ANXA3: variants seen among roughly 807,000 people sequenced by gnomAD.
ANXA3 encodes the protein 35-alpha calcimedin.
Under a neutral mutation model 48.8 loss-of-function variants are expected in ANXA3, and 46 were observed. The observed-to-expected ratio is 0.94, with a 90% CI of 0.74 to 1.21. The LOEUF is 1.21. Among genes scored for constraint, ANXA3 ranks in the 50% most tolerant of loss-of-function variants. ANXA3 has a pLI of 0.00. For missense variants in ANXA3, 383 were observed against 378.6 expected, an observed-to-expected ratio of 1.01 and a Z score of -0.10; for synonymous variants, 128 against 134.7, an observed-to-expected ratio of 0.95 and a Z score of 0.35.
chr4:78,604,195 A>G, intron 11 of ANXA3, 82 bp from the exon 12 acceptor site: 1 of 1,312,340 alleles, frequency 7.6e-7, no homozygotes, highest in Non-Finnish European at 1.0e-6. Flanking sequence ...GCACACCATT[A>G]TCTGATTCTT....
intron 3 of ANXA3, among the ~76,000 whole-genome samples, chr4:78,575,761 G>A (rs901597718): frequency 5.9e-5 from 9 of 152,008 alleles, no homozygotes; most frequent in African/African-American, 1.9e-4. Context: ...CAATATTTTT[G>A]TCCAGGATTT....
At chr4:78,607,249 A>T (rs1285604768) in intron 12 of ANXA3, among the ~76,000 whole-genome samples, 1 of 152,248 alleles carries the variant, frequency 6.6e-6, no homozygotes, top group Non-Finnish European at 1.5e-5. Context: ...ACCACCTAAC[A>T]CATATTATTA....
intron 12 of ANXA3, among the ~76,000 whole-genome samples, chr4:78,606,644 A>C (rs1425948612): frequency 2.0e-5 from 3 of 152,162 alleles, no homozygotes; most frequent in Non-Finnish European, 4.4e-5. Context: ...TATCTTGGGA[A>C]GGTTTCTGCC....
chr4:78,573,713 A>G (rs975720973), intron 3 of ANXA3, among the ~76,000 whole-genome samples: 1 of 152,194 alleles, frequency 6.6e-6, no homozygotes, highest in African/African-American at 2.4e-5. Flanking sequence ...GGTTTCTTTA[A>G]CCAAGGGGTG....
At chr4:78,579,435 G>T (rs969282966) in intron 4 of ANXA3, among the ~76,000 whole-genome samples, 1 of 152,190 alleles carries the variant, frequency 6.6e-6, no homozygotes, top group African/African-American at 2.4e-5. Flanking sequence ...ACATTCTGAT[G>T]ATCACAAACA....
chr4:78,563,876 C>A (rs1161947173), intron 2 of ANXA3, among the ~76,000 whole-genome samples: 1 of 152,070 alleles, frequency 6.6e-6, no homozygotes, highest in Non-Finnish European at 1.5e-5. Flanking sequence ...GGACGTCTCC[C>A]GCAGAAGTTA....
chr4:78,578,852 AAAAT>A lies in ANXA3; in HGVS notation c.104-139_104-136del, dbSNP rs3840270. 2.2e-3 allele frequency among the ~76,000 whole-genome samples: 322 copies of A among 148,790 alleles called. 1 individual carries two copies. Among genetic ancestry groups the A allele is most frequent in the African/African-American group, 5.2e-3 (207 of 40,046 alleles). On this transcript the variant is annotated intron_variant, in intron 3 of 12. Transcript: ENST00000264908. ...TTTTTTTTCCAAAACTCAGGCAAACAAAATAAATAAATAAATAAATAAATAAATA... is the reference window on the plus strand; with the variant it reads ...TTTTTTTTCCAAAACTCAGGCAAACAAAATAAATAAATAAATAAATAAATA...
At chr4:78,554,953 C>T (rs1722480266) in intron 2 of ANXA3, among the ~76,000 whole-genome samples, 5 of 152,190 alleles carry the variant, frequency 3.3e-5, no homozygotes, top group Non-Finnish European at 7.3e-5. Flanking sequence ...CACCTGTAAT[C>T]CTAGCACTTT....
rs1350305960 is a variant in ANXA3 at position 78,572,167 on chromosome 4, A to G, written c.16-1013A>G. ...GCTCTCCTGCAAATGCTACTTTAAA[A>G]CAAATTTTCTTCAGTGTCACCAAGA... On this transcript the variant is annotated intron_variant, in intron 2 of 12. Coordinates refer to ENST00000264908, the MANE Select transcript of ANXA3 (RefSeq NM_005139.3). 2.0e-5 allele frequency among the ~76,000 whole-genome samples: 3 copies of G among 152,370 alleles called. No homozygotes were observed. In the South Asian group the frequency reaches 6.2e-4, roughly 32 times the overall value.
chr4:78,585,911 A>G (rs969569963), intron 5 of ANXA3, among the ~76,000 whole-genome samples: 4 of 152,242 alleles, frequency 2.6e-5, no homozygotes, highest in South Asian at 4.1e-4. Flanking sequence ...CAAAAGTATT[A>G]TAGAGCCTTT....
chr4:78,590,499 G>A (rs750786896), intron 6 of ANXA3, among the ~76,000 whole-genome samples: 4 of 152,056 alleles, frequency 2.6e-5, no homozygotes, highest in Non-Finnish European at 4.4e-5. Flanking sequence ...CTAATTTATA[G>A]AATTCTTGAG....
chr4:78,578,924 T>C (rs538042378), intron 3 of ANXA3, 103 bp from the exon 4 acceptor site: 7 of 437,152 alleles, frequency 1.6e-5, no homozygotes, highest in African/African-American at 1.0e-4. Context: ...GAAATTAAAA[T>C]GCCTTACTCT....
chr4:78,564,808 T>C (rs1722696332), intron 2 of ANXA3, among the ~76,000 whole-genome samples: 1 of 152,076 alleles, frequency 6.6e-6, no homozygotes, highest in South Asian at 2.1e-4. Flanking sequence ...AAAGAGTTCA[T>C]TGTATACCAG....
chr4:78,584,096 G>A (rs1336769438), intron 5 of ANXA3, among the ~76,000 whole-genome samples: 1 of 152,106 alleles, frequency 6.6e-6, no homozygotes, highest in Non-Finnish European at 1.5e-5. Context: ...CTTCCATCTG[G>A]AATGCTTTTC....
rs141706778 is a variant in ANXA3, at chr4:78,585,380, A to G, written c.313-880A>G. 9.2e-5 allele frequency among the ~76,000 whole-genome samples: 14 copies of G among 152,326 alleles called. No homozygotes were observed. The East Asian group carries it at 2.7e-3, about 29-fold the overall frequency. ...CCTGGCTAAAGAAGGCTCATGACTC[A>G]GCCATTATGTCTTCATTCCAGGCAA... On this transcript the variant is annotated intron_variant, in intron 5 of 12. Transcript: ENST00000264908.
In ANXA3 at chr4:78,579,013, T is replaced by C; in HGVS notation, c.104-14T>C. The C allele has an allele frequency of 6.3e-7, 1 of 1,578,094 alleles. No homozygotes were observed. The highest frequency in any genetic ancestry group is 8.7e-7 in the Non-Finnish European group (1 of 1,148,754). ...AGCATAAATATTGAGTAAAATAACT[T>C]TTGTTTCATTTAGGAACTGATGAGA... is the stretch of plus-strand genomic sequence containing the variant. On this transcript the variant is annotated splice_polypyrimidine_tract_variant and intron_variant, in intron 3 of 12. Coordinates refer to ENST00000264908, the MANE Select transcript of ANXA3 (RefSeq NM_005139.3).
At chr4:78,579,398 C>T (rs749492831) in intron 4 of ANXA3, among the ~76,000 whole-genome samples, 2 of 152,050 alleles carry the variant, frequency 1.3e-5, no homozygotes, top group Non-Finnish European at 2.9e-5. Context: ...GATTTTGCTC[C>T]CCAGGGGACA....
intron 2 of ANXA3, among the ~76,000 whole-genome samples, chr4:78,566,289 G>C (rs1159193680): frequency 2.6e-5 from 4 of 152,030 alleles, no homozygotes; most frequent in African/African-American, 7.2e-5. Flanking sequence ...ACCCTCCTCT[G>C]TTCTCACATT....
intron 2 of ANXA3, among the ~76,000 whole-genome samples, chr4:78,565,994 C>T (rs1014293004): frequency 6.6e-5 from 10 of 152,102 alleles, no homozygotes; most frequent in Admixed American, 1.3e-4. Context: ...AAATAACCCA[C>T]AGCAGGATTA....
Sources: gnomAD v4.1 joint callset for allele counts (sites outside exome capture counted in the v4.1 genomes callset) on GRCh38, gnomAD v4.1.1 for gene constraint, MANE v1.5 for transcripts, NCBI Gene and HGNC (gene_info 2026-07-23, HGNC 2026-07-21) for gene names.